The following TERF2IP variants were observed in gnomAD, a reference collection of about 807,000 sequenced individuals.
TERF2IP encodes the protein TERF2 interacting protein.
In TERF2IP, 35 loss-of-function variants were observed where a neutral mutation model predicts 33.3. The ratio of observed to expected loss-of-function variants is 1.05; its 90% CI spans 0.80 to 1.39. The LOEUF (loss-of-function observed/expected upper bound fraction) is 1.39, where lower values mean the gene tolerates loss of function less well. Among genes scored for constraint, TERF2IP ranks in the 40% most tolerant of loss-of-function variants. The probability of loss-of-function intolerance (pLI) is 0.00; values close to 1 mark genes in which losing one functional copy is unlikely to be tolerated. For missense variants in TERF2IP, 583 were observed against 524.8 expected (o/e 1.11, Z -1.08); for synonymous variants, 253 against 223.2 (o/e 1.13, Z -1.19).
intron 1 of TERF2IP, among the ~76,000 whole-genome samples, chr16:75,651,551 T>C (rs1304905668): frequency 6.6e-6 from 1 of 152,120 alleles, no homozygotes; most frequent in Non-Finnish European, 1.5e-5. Context: ...TATCCAGGCA[T>C]GGTGGCATGC....
intron 1 of TERF2IP, among the ~76,000 whole-genome samples, chr16:75,649,321 A>G (rs1239307604): frequency 1.3e-5 from 2 of 152,112 alleles, no homozygotes; most frequent in Non-Finnish European, 2.9e-5. Context: ...AGGCGGGCGG[A>G]TCACCTGAGG....
At chr16:75,652,850 C>G (rs1473278519) in intron 1 of TERF2IP, among the ~76,000 whole-genome samples, 2 of 152,150 alleles carry the variant, frequency 1.3e-5, no homozygotes, top group Admixed American at 6.5e-5. Flanking sequence ...AAAACTGAAA[C>G]TCCATGCCTT....
Position 75,648,178 on chromosome 16 carries a change from A to G in TERF2IP, c.296A>G (p.Tyr99Cys). 6.4e-7 allele frequency: 1 copy of G among 1,560,606 alleles called. No individual in the cohort carries two copies. Among genetic ancestry groups the G allele is most frequent in the Non-Finnish European group, 8.7e-7 (1 of 1,155,212 alleles). ...ERNERLELEA[Y>C]RLGPASAADT... ...AACGAGAGGCTGGAGCTGGAGGCCT[A>G]TCGGCTGGGCCCCGCCTCGGCGGCG... Residue 99 changes from tyrosine (Y) to cysteine (C), a missense_variant, in exon 1 of 3, where the codon TAT becomes TGT. Physicochemically the swap from Tyr to Cys is radical, Grantham distance 194 (BLOSUM62 -2). Transcript: ENST00000300086.
chr16:75,654,494 G>T, intron 2 of TERF2IP, 97 bp downstream of exon 2: 1 of 1,319,164 alleles, frequency 7.6e-7, no homozygotes, highest in Non-Finnish European at 1.0e-6. Context: ...CTGGGGCTCA[G>T]GAAAGTGAGA....
chr16:75,657,178 C>T lies in TERF2IP; in HGVS notation c.*567C>T, dbSNP rs2082392935. On this transcript the variant is annotated 3_prime_UTR_variant, in exon 3 of 3. Coordinates refer to ENST00000300086, the MANE Select transcript of TERF2IP (RefSeq NM_018975.4). ...TTTGCTAACTTAGTATTTGGGTACC[C>T]TGCTCTTTGGCTGTTCTTTTTTTGG... is the stretch of plus-strand genomic sequence containing the variant. 1 of 152,258 alleles carries T rather than the reference C, an allele frequency of 6.6e-6. No homozygotes were observed. Among genetic ancestry groups the T allele is most frequent in the Non-Finnish European group, 1.5e-5 (1 of 68,100 alleles). The allele number at this position is 152,258 out of a possible 1,614,324, so 9.4% of individuals were successfully genotyped here. A position where few individuals can be genotyped will look rare whatever the true frequency, so the allele number is the denominator to read the frequency against.
intron 2 of TERF2IP, 81 bp downstream of exon 2, chr16:75,654,478 A>G (rs1168767706): frequency 1.4e-6 from 2 of 1,454,320 alleles, no homozygotes; most frequent in East Asian, 2.4e-5. Context: ...CACCTTTTTC[A>G]TCTACCTGGG....
intron 1 of TERF2IP, among the ~76,000 whole-genome samples, chr16:75,652,007 G>C (rs986716602): frequency 2.0e-5 from 3 of 152,164 alleles, no homozygotes; most frequent in African/African-American, 7.2e-5. Context: ...AATAGAAATT[G>C]ATACAATTTC....
Position 75,656,490 on chromosome 16 carries a change from C to T in TERF2IP, c.1079C>T (p.Pro360Leu). The T allele has an allele frequency of 6.2e-7, 1 of 1,614,096 alleles. No homozygotes were observed. The highest frequency in any genetic ancestry group is 8.5e-7 in the Non-Finnish European group (1 of 1,180,032). ...LASGQRADGY[P>L]IWSRQDDIDL... is the part of the protein sequence containing the mutation. ...TCTGGTCAGAGAGCTGATGGATATC[C>T]CATTTGGTCCCGACAAGATGACATA... The change falls in exon 3 of 3, where the codon CCC (proline) becomes CTC (leucine). Residue 360 changes from proline to leucine, a missense_variant. Coordinates refer to ENST00000300086, the MANE Select transcript of TERF2IP (RefSeq NM_018975.4).
intron 1 of TERF2IP, among the ~76,000 whole-genome samples, chr16:75,650,695 C>T (rs754821163): frequency 6.6e-6 from 1 of 152,112 alleles, no homozygotes; most frequent in Non-Finnish European, 1.5e-5. Flanking sequence ...GTCACCATAC[C>T]TAGCTAATTT....
At position 75,657,415 on chromosome 16, in the gene TERF2IP, A is replaced by G. The variant is rs2082395435; in HGVS notation, c.*804A>G. 6.6e-6 allele frequency: 1 copy of G among 152,236 alleles called. No individual in the cohort carries two copies. The highest frequency in any genetic ancestry group is 1.5e-5 in the Non-Finnish European group (1 of 68,048). The allele number at this position is 152,236 out of a possible 1,614,324, so 9.4% of individuals were successfully genotyped here. On this transcript the variant is annotated 3_prime_UTR_variant, in exon 3 of 3. Transcript: ENST00000300086. The stretch of plus-strand genomic sequence containing the variant: ...GTGTTGTTTTCATTGTTGAAAATAA[A>G]TATAACTTTGTATTCGAGTCTCGTC...
chr16:75,656,538 A>T lies in TERF2IP; in HGVS notation c.1127A>T (p.Asp376Val). 6.2e-7 allele frequency: 1 copy of T among 1,614,152 alleles called. No homozygotes were observed. Among genetic ancestry groups the T allele is most frequent in the Non-Finnish European group, 8.5e-7 (1 of 1,180,014 alleles). ...ATAGATTTGCAAAAAGATGATGAGG[A>T]TACCAGAGAGGCATTGGTCAAAAAA... ...DDIDLQKDDE[D>V]TREALVKKFG... Residue 376 changes from aspartate (D) to valine (V), a missense_variant, in exon 3 of 3, where the codon GAT becomes GTT. Coordinates refer to ENST00000300086, the MANE Select transcript of TERF2IP (RefSeq NM_018975.4).
intron 1 of TERF2IP, among the ~76,000 whole-genome samples, chr16:75,653,061 A>G (rs137913249): frequency 6.6e-6 from 1 of 152,344 alleles, no homozygotes; most frequent in African/African-American, 2.4e-5. Flanking sequence ...AATATCTTCA[A>G]AGTTCATCCA....
intron 1 of TERF2IP, 123 bp from the exon 2 acceptor site, chr16:75,654,148 TAA>T (rs34359798): frequency 0.11 from 31,084 of 288,370 alleles, 6 homozygotes; most frequent in Non-Finnish European, 0.13. Context: ...CTTCTGATAG[TAA>T]AAAAAAAAAA....
chr16:75,648,336 G>T lies in TERF2IP; in HGVS notation c.454G>T (p.Ala152Ser). 6.3e-7 allele frequency: 1 copy of T among 1,580,326 alleles called. No individual in the cohort carries two copies. The highest frequency in any genetic ancestry group is 8.6e-7 in the Non-Finnish European group (1 of 1,163,286). Residue 152 changes from alanine to serine, a missense_variant, in exon 1 of 3, where the codon GCC (alanine) becomes TCC (serine). Transcript: ENST00000300086. ...CATCCTTACCTACGTGAAGGAAAAT[G>T]CCCGCTCGCCCAGCTCCGTCACCGG... ...VAILTYVKEN[A>S]RSPSSVTGNA...
rs34359798 is a variant in TERF2IP, at chr16:75,654,148, TAAAAAAAAAAAA to T, written c.671-111_671-100del. On this transcript the variant is annotated intron_variant, in intron 1 of 2. Transcript: ENST00000300086. ...ATCAAGAACAGATGTCTTCTGATAGTAAAAAAAAAAAAAAAAAAAAAAAAAGTGCAGGCTCAC... is the reference window on the plus strand; with the variant it reads ...ATCAAGAACAGATGTCTTCTGATAGTAAAAAAAAAAAAAGTGCAGGCTCAC... 7 of 290,484 alleles carry T rather than the reference TAAAAAAAAAAAA, an allele frequency of 2.4e-5. No individual in the cohort carries two copies. In the African/African-American group the frequency reaches 2.5e-4, roughly 11 times the overall value. The allele number at this position is 290,484 out of a possible 1,614,324, so 18.0% of individuals were successfully genotyped here.
intron 2 of TERF2IP, among the ~76,000 whole-genome samples, 165 bp downstream of exon 2, chr16:75,654,562 T>A (rs189649801): frequency 1.6e-3 from 242 of 152,230 alleles, no homozygotes; most frequent in African/African-American, 5.8e-3. Flanking sequence ...GCTTCAGACA[T>A]GTTGCCCTGA....
In TERF2IP at chr16:75,650,551, C is replaced by T. The variant is rs560315113; in HGVS notation, c.670+1999C>T. Among the ~76,000 whole-genome samples, 6 of 152,080 alleles carry T rather than the reference C, an allele frequency of 3.9e-5. No individual in the cohort carries two copies. The South Asian group carries it at 1.2e-3, about 32-fold the overall frequency. On this transcript the variant is annotated intron_variant, in intron 1 of 2. Coordinates refer to ENST00000300086, the MANE Select transcript of TERF2IP (RefSeq NM_018975.4). ...ATTTTATTTTAATTTTATTATATAT[C>T]TTGAGATGGGGTCTTGCTCTGTCAC...
intron 2 of TERF2IP, among the ~76,000 whole-genome samples, chr16:75,654,873 C>T (rs541842905): frequency 5.3e-5 from 8 of 152,138 alleles, no homozygotes; most frequent in Admixed American, 6.5e-5. Context: ...GGACTACAGG[C>T]GCCCACCACC....
At chr16:75,648,789 A>C (rs2082324282) in intron 1 of TERF2IP, 1 of 1,191,384 alleles carries the variant, frequency 8.4e-7, no homozygotes. Context: ...CCTGAGCTCA[A>C]GCGATCCTCC....
Sources: allele counts gnomAD v4.1 joint callset (sites outside exome capture counted in the v4.1 genomes callset), GRCh38; gene constraint gnomAD v4.1.1; transcripts MANE v1.5; gene names NCBI Gene and HGNC (gene_info 2026-07-23, HGNC 2026-07-21).